The following BOC variants were observed in gnomAD, a reference collection of about 807,000 sequenced individuals.
The protein encoded by BOC is brother of CDO.
Under a neutral mutation model 112.0 loss-of-function variants are expected in BOC, and 76 were observed. The observed-to-expected ratio is 0.68, with a 90% CI of 0.56 to 0.82. The LOEUF (loss-of-function observed/expected upper bound fraction) is 0.82, where lower values mean the gene tolerates loss of function less well. BOC is among the 40% of genes least tolerant of loss of function. BOC has a pLI of 0.00. For synonymous variants in BOC, 580 were observed against 599.8 expected (o/e 0.97, Z 0.48); for missense variants, 1,309 against 1,511.7 (o/e 0.87, Z 2.22).
At chr3:113,250,140 A>G (rs1945433110) in intron 3 of BOC, among the ~76,000 whole-genome samples, 2 of 152,166 alleles carry the variant, frequency 1.3e-5, no homozygotes, top group African/African-American at 2.4e-5. Flanking sequence ...AATAATAATA[A>G]CTGCTTTTTA....
At chr3:113,280,886 C>T in intron 14 of BOC, 145 bp from the exon 15 acceptor site, 1 of 1,149,816 alleles carries the variant, frequency 8.7e-7, no homozygotes, top group Non-Finnish European at 1.3e-6. Context: ...AGAACATTTC[C>T]TCCAGCGTTC....
chr3:113,271,378 G>A (rs1948104824), intron 6 of BOC: 1 of 375,740 alleles, frequency 2.7e-6, no homozygotes, highest in African/African-American at 2.1e-5. Flanking sequence ...CTGCACTGAT[G>A]AGGTGTGCCC....
intron 18 of BOC, among the ~76,000 whole-genome samples, chr3:113,285,168 T>G (rs541713021): frequency 6.6e-6 from 1 of 152,238 alleles, no homozygotes; most frequent in Admixed American, 6.5e-5. Context: ...TTCTCCCACA[T>G]GGAGTAAAAT....
At chr3:113,214,769 C>G (rs1388450173) in intron 1 of BOC, among the ~76,000 whole-genome samples, 1 of 152,142 alleles carries the variant, frequency 6.6e-6, no homozygotes, top group Non-Finnish European at 1.5e-5. Context: ...ACATATGTAA[C>G]TTCTTGTCAT....
intron 4 of BOC, among the ~76,000 whole-genome samples, chr3:113,252,983 A>T (rs1204478301): frequency 6.6e-6 from 1 of 152,116 alleles, no homozygotes; most frequent in Non-Finnish European, 1.5e-5. Context: ...TGAGGTCAGA[A>T]CTACGTTTCC....
chr3:113,238,143 A>G (rs558424402), intron 2 of BOC, among the ~76,000 whole-genome samples: 4 of 152,312 alleles, frequency 2.6e-5, no homozygotes, highest in African/African-American at 9.6e-5. Context: ...AGATTTAAAG[A>G]TAATTAGGAG....
intron 2 of BOC, among the ~76,000 whole-genome samples, chr3:113,232,900 T>C (rs1020042520): frequency 6.6e-6 from 1 of 152,112 alleles, no homozygotes. Flanking sequence ...CCTATGCGAG[T>C]TGATTTTGTT....
Position 113,278,301 on chromosome 3 carries a change from T to C in BOC, c.1705+44T>C. On this transcript the variant is annotated intron_variant, in intron 10 of 19. Transcript: ENST00000682979. This position sits in a 1 kb window ranked among gnomAD's most constrained non-coding sequence, Gnocchi z 4.2. Reference sequence around the variant, plus strand: ...CCCTTGCTTAGGGTTTCCGTGGGTCTAAGCAAGTTCCACTGGCCCAGGTGA... The same window carrying C: ...CCCTTGCTTAGGGTTTCCGTGGGTCCAAGCAAGTTCCACTGGCCCAGGTGA... 1.3e-6 allele frequency: 2 copies of C among 1,598,448 alleles called. No individual in the cohort carries two copies. The highest frequency in any genetic ancestry group is 1.7e-6 in the Non-Finnish European group (2 of 1,168,022).
Position 113,278,460 on chromosome 3 carries a change from C to T in BOC, c.1705+203C>T, listed in dbSNP as rs1444757293. On this transcript the variant is annotated intron_variant, in intron 10 of 19. Transcript: ENST00000682979. This position sits in a 1 kb window ranked among gnomAD's most constrained non-coding sequence, Gnocchi z 4.2. ...GAGAGTAGCCAGCCGGCCTCTCTGG[C>T]ACCCCTTCATCCCTCTCTCACACAG... Among the ~76,000 whole-genome samples the T allele has an allele frequency of 6.6e-6, 1 of 152,096 alleles. No homozygotes were observed. The highest frequency in any genetic ancestry group is 2.4e-5 in the African/African-American group (1 of 41,420).
intron 2 of BOC, among the ~76,000 whole-genome samples, chr3:113,223,923 C>T (rs1340984667): frequency 1.3e-5 from 2 of 152,242 alleles, no homozygotes; most frequent in African/African-American, 2.4e-5. Context: ...CCGGCCCTGG[C>T]GCTACTGGAG....
rs576933288 is a variant in BOC at position 113,278,554 on chromosome 3, A to T, written c.1706-119A>T. 9.2e-5 allele frequency: 84 copies of T among 913,042 alleles called. No individual in the cohort carries two copies. The Admixed American group carries it at 1.3e-3, about 15-fold the overall frequency. 56.6% of individuals were successfully genotyped at this position (913,042 alleles called of 1,614,324 possible). A position where few individuals can be genotyped will look rare whatever the true frequency, so the allele number is the denominator to read the frequency against. On this transcript the variant is annotated intron_variant, in intron 10 of 19. Coordinates refer to ENST00000682979, the MANE Select transcript of BOC (RefSeq NM_001378074.1). This position sits in a 1 kb window ranked among gnomAD's most constrained non-coding sequence, Gnocchi z 4.2. ...TGAGCCCACACCCTCAGTGCCCCGG[A>T]TGCTTATTTGCATCACTTTGTCATG...
At position 113,250,514 on chromosome 3, in the gene BOC, G is replaced by A. The variant is rs1303220248; in HGVS notation, c.98-41G>A. On this transcript the variant is annotated intron_variant, in intron 3 of 19. Coordinates refer to ENST00000682979, the MANE Select transcript of BOC (RefSeq NM_001378074.1). The stretch of plus-strand genomic sequence containing the variant: ...TCTAAAAACGTGATGTTGTTTTCTT[G>A]GGGGCATCAGTTCATTGCTGCATCC... 3.2e-6 allele frequency: 5 copies of A among 1,554,862 alleles called. No individual in the cohort carries two copies. The African/African-American group carries it at 5.5e-5, about 17-fold the overall frequency.
chr3:113,261,169 TTCTC>T (rs1946832949), intron 4 of BOC, among the ~76,000 whole-genome samples: 2 of 152,136 alleles, frequency 1.3e-5, no homozygotes, highest in Admixed American at 6.5e-5. Flanking sequence ...TCCCCATTCT[TTCTC>T]TCAGCTCCTC....
At position 113,278,655 on chromosome 3, in the gene BOC, C is replaced by T; in HGVS notation, c.1706-18C>T. ...TGCCTGCTTCCTCCCTTGCTGACTA[C>T]AACCCATTTCCACCCAGGACGGCGG... is the stretch of plus-strand genomic sequence containing the variant. On this transcript the variant is annotated intron_variant, in intron 10 of 19. Coordinates refer to ENST00000682979, the MANE Select transcript of BOC (RefSeq NM_001378074.1). The surrounding 1 kb of genome is among the most constrained non-coding windows in gnomAD (Gnocchi z 4.2). 1 of 1,550,494 alleles carries T rather than the reference C, an allele frequency of 6.4e-7. No individual in the cohort carries two copies. The highest frequency in any genetic ancestry group is 2.4e-5 in the East Asian group (1 of 41,096).
chr3:113,233,148 G>GGTGTGT (rs59444901), intron 2 of BOC, among the ~76,000 whole-genome samples: 15,103 of 123,790 alleles, frequency 0.12, 1,249 homozygotes, highest in Admixed American at 0.15. Context: ...AAAGGATTGG[G>GGTGTGT]GTGTGTGTGT....
At chr3:113,237,766 C>T (rs1038744557) in intron 2 of BOC, among the ~76,000 whole-genome samples, 2 of 152,194 alleles carry the variant, frequency 1.3e-5, no homozygotes, top group African/African-American at 4.8e-5. Flanking sequence ...AAAATTGGTT[C>T]CACCATTAAT....
chr3:113,231,291 C>A (rs918112463), intron 2 of BOC, among the ~76,000 whole-genome samples: 1 of 152,094 alleles, frequency 6.6e-6, no homozygotes, highest in Non-Finnish European at 1.5e-5. Flanking sequence ...AGGGCAAATC[C>A]CCTGATCTTC....
At chr3:113,256,192 T>C (rs112200100) in intron 4 of BOC, among the ~76,000 whole-genome samples, 1,682 of 152,324 alleles carry the variant, frequency 0.011, 9 homozygotes, top group Non-Finnish European at 0.017. Flanking sequence ...TGTCCAGCCC[T>C]GTACTGCCCA....
intron 2 of BOC, among the ~76,000 whole-genome samples, chr3:113,217,899 T>G (rs1172306329): frequency 1.3e-5 from 2 of 152,234 alleles, no homozygotes; most frequent in African/African-American, 4.8e-5. Flanking sequence ...GTGTGTGTTT[T>G]TGTAAAAATT....
Sources: gnomAD v4.1 joint callset for allele counts (sites outside exome capture counted in the v4.1 genomes callset) on GRCh38, gnomAD v4.1.1 for gene constraint, Gnocchi (gnomAD v3.1) non-coding constraint, MANE v1.5 for transcripts, NCBI Gene and HGNC (gene_info 2026-07-23, HGNC 2026-07-21) for gene names.